The following TOX variants were observed in gnomAD, a reference collection of about 807,000 sequenced individuals.
TOX encodes the protein thymocyte selection-associated high mobility group box protein TOX.
In TOX, 11 loss-of-function variants were observed where a neutral mutation model predicts 53.7. The observed-to-expected ratio is 0.20, with a 90% CI of 0.13 to 0.34. The LOEUF is 0.34. TOX is among the 10% of genes least tolerant of loss of function. The pLI is 1.00. For missense variants in TOX, 570 were observed against 664.6 expected, an observed-to-expected ratio of 0.86 and a Z score of 1.56; for synonymous variants, 225 against 245.3, an observed-to-expected ratio of 0.92 and a Z score of 0.77.
intron 3 of TOX, among the ~76,000 whole-genome samples, chr8:58,895,925 C>T (rs1300861519): frequency 4.6e-5 from 7 of 152,130 alleles, no homozygotes; most frequent in South Asian, 2.1e-4. Flanking sequence ...AAGCTTCCAG[C>T]GCAGAGCCCA....
rs141352136 is a variant in TOX, at chr8:59,114,699, A to G, written c.102+4187T>C. Among the ~76,000 whole-genome samples the G allele has an allele frequency of 5.8e-3, 880 of 152,176 alleles. 9 individuals carry two copies. The highest frequency in any genetic ancestry group is 0.021 in the African/African-American group (851 of 41,508). ...TCCCTTCTTTACCTTCTTTCTTCCC[A>G]TACTCCTCCTTGACCTACTCTTCCT... On this transcript the variant is annotated intron_variant, in intron 1 of 8. Coordinates refer to ENST00000361421, the MANE Select transcript of TOX (RefSeq NM_014729.3).
At chr8:58,852,110 T>C (rs1239234991) in intron 3 of TOX, among the ~76,000 whole-genome samples, 1 of 152,024 alleles carries the variant, frequency 6.6e-6, no homozygotes, top group Non-Finnish European at 1.5e-5. Flanking sequence ...AAATATATTA[T>C]TTATATATGT....
chr8:58,995,056 G>A (rs901342171), intron 1 of TOX, among the ~76,000 whole-genome samples: 3 of 152,110 alleles, frequency 2.0e-5, no homozygotes, highest in Non-Finnish European at 2.9e-5. Context: ...CAATGAACAT[G>A]TCCTTATTTC....
intron 3 of TOX, among the ~76,000 whole-genome samples, chr8:58,859,794 G>T (rs1021385170): frequency 3.9e-5 from 6 of 152,186 alleles, no homozygotes; most frequent in Admixed American, 3.9e-4. Flanking sequence ...CATCACTGAA[G>T]AGTCTTAAAA....
chr8:59,034,256 C>G (rs1378957387), intron 1 of TOX, among the ~76,000 whole-genome samples: 1 of 152,194 alleles, frequency 6.6e-6, no homozygotes, highest in Non-Finnish European at 1.5e-5. Context: ...TAACCGTTAC[C>G]AGATAAGATT....
chr8:58,960,878 C>G (rs1255369889), intron 1 of TOX, among the ~76,000 whole-genome samples: 1 of 152,160 alleles, frequency 6.6e-6, no homozygotes, highest in African/African-American at 2.4e-5. Context: ...AAGCATTTCT[C>G]TTTTAGTTAG....
At chr8:58,903,898 G>T (rs1811770027) in intron 3 of TOX, among the ~76,000 whole-genome samples, 1 of 152,058 alleles carries the variant, frequency 6.6e-6, no homozygotes, top group Non-Finnish European at 1.5e-5. Context: ...GATCTCCCAG[G>T]GTTCTTTCCA....
At chr8:59,032,630 T>A (rs1814379361) in intron 1 of TOX, among the ~76,000 whole-genome samples, 1 of 152,190 alleles carries the variant, frequency 6.6e-6, no homozygotes. Flanking sequence ...CCAGGCAATG[T>A]GTTAGGTGCT....
At chr8:58,823,749 C>T (rs576664639) in intron 6 of TOX, among the ~76,000 whole-genome samples, 40 of 152,266 alleles carry the variant, frequency 2.6e-4, no homozygotes, top group East Asian at 1.2e-3. Context: ...GCCCAGTGTC[C>T]GACATAGAAC....
chr8:59,009,236 A>G (rs1449858433), intron 1 of TOX, among the ~76,000 whole-genome samples: 1 of 145,454 alleles, frequency 6.9e-6, no homozygotes, highest in Non-Finnish European at 1.5e-5. Flanking sequence ...TTTCTTGATG[A>G]GTACAAGCCT....
intron 1 of TOX, among the ~76,000 whole-genome samples, chr8:59,007,497 A>G (rs1471014973): frequency 3.4e-4 from 52 of 152,206 alleles, no homozygotes; most frequent in Admixed American, 3.4e-3. Context: ...GAAAAAAAAT[A>G]TGAAGGGATC....
intron 1 of TOX, among the ~76,000 whole-genome samples, chr8:59,036,663 G>T (rs1401669622): frequency 6.6e-6 from 1 of 152,106 alleles, no homozygotes; most frequent in African/African-American, 2.4e-5. Context: ...GATGTATTAG[G>T]TAATTCATCC....
chr8:59,105,204 GA>G (rs1475532624), intron 1 of TOX, among the ~76,000 whole-genome samples: 2 of 152,098 alleles, frequency 1.3e-5, no homozygotes, highest in African/African-American at 4.8e-5. Context: ...AGAGCTATCT[GA>G]AAATAAGAAG....
intron 1 of TOX, among the ~76,000 whole-genome samples, chr8:58,982,987 T>C (rs998818268): frequency 6.6e-6 from 1 of 152,216 alleles, no homozygotes; most frequent in Non-Finnish European, 1.5e-5. Context: ...GGTGATGTCA[T>C]ACTTTATCTC....
intron 1 of TOX, among the ~76,000 whole-genome samples, chr8:59,001,583 A>C (rs1175736922): frequency 6.6e-6 from 1 of 152,208 alleles, no homozygotes; most frequent in South Asian, 2.1e-4. Context: ...ACAAGTTGAA[A>C]CTGTGAGTTT....
At chr8:59,056,543 C>T (rs1803892231) in intron 1 of TOX, among the ~76,000 whole-genome samples, 1 of 149,494 alleles carries the variant, frequency 6.7e-6, no homozygotes, top group Non-Finnish European at 1.5e-5. Flanking sequence ...ATGTTTGAAA[C>T]TAAAATTGCC....
intron 5 of TOX, among the ~76,000 whole-genome samples, chr8:58,834,397 A>G (rs1810514191): frequency 6.6e-6 from 1 of 152,222 alleles, no homozygotes; most frequent in South Asian, 2.1e-4. Context: ...TTGAATTTTA[A>G]TAGTCTGCCT....
At chr8:59,022,716 T>C (rs1316496667) in intron 1 of TOX, among the ~76,000 whole-genome samples, 1 of 152,104 alleles carries the variant, frequency 6.6e-6, no homozygotes, top group Non-Finnish European at 1.5e-5. Flanking sequence ...TGGAAGCAGA[T>C]CTTGAATATG....
intron 1 of TOX, among the ~76,000 whole-genome samples, chr8:59,089,839 C>T (rs1196672374): frequency 6.6e-6 from 1 of 152,202 alleles, no homozygotes; most frequent in East Asian, 1.9e-4. Flanking sequence ...CTGTCTTGGC[C>T]TCACAAAATG....
Sources: gnomAD v4.1 joint callset for allele counts (sites outside exome capture counted in the v4.1 genomes callset) on GRCh38, gnomAD v4.1.1 for gene constraint, MANE v1.5 for transcripts, NCBI Gene and HGNC (gene_info 2026-07-23, HGNC 2026-07-21) for gene names.